The following CNTNAP5 variants were observed in gnomAD, a reference collection of about 807,000 sequenced individuals.
The protein encoded by CNTNAP5 is contactin associated protein family member 5.
In CNTNAP5, 72 loss-of-function variants were observed where a neutral mutation model predicts 150.2. The observed-to-expected ratio is 0.48, with a 90% CI of 0.40 to 0.58. CNTNAP5 has a LOEUF of 0.58. Among genes scored for constraint, CNTNAP5 ranks in the 20% least tolerant of loss-of-function variants. The probability of loss-of-function intolerance (pLI) is 0.00; values close to 1 mark genes in which losing one functional copy is unlikely to be tolerated. For missense variants in CNTNAP5, 1,636 were observed against 1,626.2 expected (o/e 1.01, Z -0.10); for synonymous variants, 672 against 619.8 (o/e 1.08, Z -1.25).
intron 14 of CNTNAP5, among the ~76,000 whole-genome samples, chr2:124,753,450 T>G (rs1680773259): frequency 6.6e-6 from 1 of 152,220 alleles, no homozygotes; most frequent in African/African-American, 2.4e-5. Flanking sequence ...TTAGTTGAAA[T>G]TTACTTCCTT....
chr2:124,425,255 A>C (rs1692212436), intron 4 of CNTNAP5, among the ~76,000 whole-genome samples: 1 of 152,192 alleles, frequency 6.6e-6, no homozygotes, highest in African/African-American at 2.4e-5. Context: ...ACCATACTAA[A>C]TCTTTTTATT....
At chr2:124,782,142 C>T (rs1057467299) in intron 17 of CNTNAP5, among the ~76,000 whole-genome samples, 1 of 152,104 alleles carries the variant, frequency 6.6e-6, no homozygotes, top group Non-Finnish European at 1.5e-5. Flanking sequence ...TTGTGTTATG[C>T]GTTTCCTCTG....
At chr2:124,601,688 A>G (rs1248003708) in intron 11 of CNTNAP5, among the ~76,000 whole-genome samples, 1 of 103,420 alleles carries the variant, frequency 9.7e-6, no homozygotes, top group Non-Finnish European at 2.3e-5. Context: ...AATAATATTC[A>G]AAGGAAAAAA....
In CNTNAP5 at chr2:124,911,578, C is replaced by T. The variant is rs564430859; in HGVS notation, c.3727+40C>T. ...GTTGTTGAATGCAAAAAGACATAAA[C>T]GATCCTGTATTCTGGAGAAAGTTAT... On this transcript the variant is annotated intron_variant, in intron 23 of 23. Transcript: ENST00000682447. 47 of 1,465,014 alleles carry T rather than the reference C, an allele frequency of 3.2e-5. No individual in the cohort carries two copies. In the South Asian group the frequency reaches 4.6e-4, roughly 14 times the overall value. The allele number at this position is 1,465,014 out of a possible 1,614,324, so 90.8% of individuals were successfully genotyped here. A position where few individuals can be genotyped will look rare whatever the true frequency, so the allele number is the denominator to read the frequency against.
intron 21 of CNTNAP5, among the ~76,000 whole-genome samples, chr2:124,885,005 C>T (rs1235610751): frequency 6.6e-6 from 1 of 152,044 alleles, no homozygotes; most frequent in Non-Finnish European, 1.5e-5. Context: ...CCACTCATAT[C>T]AGTCAGGGTT....
chr2:124,625,178 ACTC>A (rs1206086288), intron 12 of CNTNAP5, among the ~76,000 whole-genome samples: 1 of 151,324 alleles, frequency 6.6e-6, no homozygotes, highest in African/African-American at 2.4e-5. Flanking sequence ...ATGGTGGAAA[ACTC>A]CTCCAGGAAG....
At chr2:124,641,503 C>G (rs1448352147) in intron 12 of CNTNAP5, among the ~76,000 whole-genome samples, 1 of 152,066 alleles carries the variant, frequency 6.6e-6, no homozygotes, top group African/African-American at 2.4e-5. Flanking sequence ...ACTATCAATG[C>G]AAAATGACAA....
intron 21 of CNTNAP5, among the ~76,000 whole-genome samples, chr2:124,874,141 T>A (rs1375091304): frequency 1.3e-5 from 2 of 152,112 alleles, no homozygotes; most frequent in Non-Finnish European, 1.5e-5. Flanking sequence ...TCTCTAAGAA[T>A]GTTGATGCTC....
chr2:124,419,984 C>CTTT (rs1692054933), intron 4 of CNTNAP5, among the ~76,000 whole-genome samples: 4 of 94,914 alleles, frequency 4.2e-5, no homozygotes, highest in Admixed American at 3.4e-4. Flanking sequence ...TTCTTTCTTT[C>CTTT]TTTCTTTTTT....
At chr2:124,830,709 T>C (rs1558792616) in intron 19 of CNTNAP5, among the ~76,000 whole-genome samples, 1 of 151,898 alleles carries the variant, frequency 6.6e-6, no homozygotes, top group Non-Finnish European at 1.5e-5. Context: ...GAGAAAAAAA[T>C]TGTTTTTCTG....
rs779760800 is a variant in CNTNAP5 at position 124,914,176 on chromosome 2, G to A, written c.3812G>A (p.Arg1271His). 46 of 1,612,208 alleles carry A rather than the reference G, an allele frequency of 2.9e-5. No individual in the cohort carries two copies. Among genetic ancestry groups the A allele is most frequent in the Admixed American group, 2.8e-4 (17 of 59,870 alleles). The change falls in exon 24 of 24, where the codon CGT (arginine) becomes CAT (histidine). Residue 1271 changes from arginine (R) to histidine (H), a missense_variant. By Grantham distance (29) the Arg-to-His change is conservative. Coordinates refer to ENST00000682447, the MANE Select transcript of CNTNAP5 (RefSeq NM_001367498.1). ...CTCTACCAGCACAAGCAGTCACATC[G>A]TACGAGCCAGATGAAGGAGAAGGAA... ...RFLYQHKQSH[R>H]TSQMKEKEYP...
chr2:124,226,224 C>A (rs1288290409), intron 2 of CNTNAP5, among the ~76,000 whole-genome samples: 1 of 151,624 alleles, frequency 6.6e-6, no homozygotes. Context: ...ACATTCCCAA[C>A]AACAGTGTAA....
Position 124,478,893 on chromosome 2 carries a change from C to G in CNTNAP5, c.1062+4011C>G, listed in dbSNP as rs141296936. 3.9e-5 allele frequency among the ~76,000 whole-genome samples: 6 copies of G among 152,320 alleles called. No homozygotes were observed. In the East Asian group the frequency reaches 1.2e-3, roughly 29 times the overall value. On this transcript the variant is annotated intron_variant, in intron 7 of 23. Coordinates refer to ENST00000682447, the MANE Select transcript of CNTNAP5 (RefSeq NM_001367498.1). ...GTTTCAAGGCCCACGGAAGCTCCAG[C>G]CTTTGCCTAACCTAACGTATGCCTC...
At chr2:124,788,555 G>A (rs1448263978) in intron 17 of CNTNAP5, among the ~76,000 whole-genome samples, 2 of 151,556 alleles carry the variant, frequency 1.3e-5, no homozygotes, top group East Asian at 3.9e-4. Flanking sequence ...GATTGAACAG[G>A]TATTGTATTC....
chr2:124,808,908 G>A (rs756950469), intron 19 of CNTNAP5, among the ~76,000 whole-genome samples: 18 of 152,028 alleles, frequency 1.2e-4, no homozygotes, highest in Non-Finnish European at 1.9e-4. Flanking sequence ...ATAAAGGACT[G>A]TCTGCACACT....
At position 124,481,621 on chromosome 2, in the gene CNTNAP5, A is replaced by G. The variant is rs141176281; in HGVS notation, c.1062+6739A>G. ...TTTCACACTTTAAATGTATATTTAT[A>G]TATCATAGACCACAGTTTATTGACA... is the stretch of plus-strand genomic sequence containing the variant. On this transcript the variant is annotated intron_variant, in intron 7 of 23. Transcript: ENST00000682447. 2.6e-5 allele frequency among the ~76,000 whole-genome samples: 4 copies of G among 152,310 alleles called. No homozygotes were observed. The East Asian group carries it at 5.8e-4, about 22-fold the overall frequency.
At chr2:124,042,170 T>C (rs1681391925) in intron 1 of CNTNAP5, among the ~76,000 whole-genome samples, 1 of 152,152 alleles carries the variant, frequency 6.6e-6, no homozygotes, top group Non-Finnish European at 1.5e-5. Flanking sequence ...CAATTAAAAA[T>C]TTTTAAAAGA....
At chr2:124,814,048 A>G (rs1205541515) in intron 19 of CNTNAP5, among the ~76,000 whole-genome samples, 1 of 151,580 alleles carries the variant, frequency 6.6e-6, no homozygotes, top group African/African-American at 2.4e-5. Flanking sequence ...ATAGCTTCCC[A>G]TTGCCTGCAG....
At chr2:124,249,676 T>C (rs1687124463) in intron 3 of CNTNAP5, among the ~76,000 whole-genome samples, 1 of 152,178 alleles carries the variant, frequency 6.6e-6, no homozygotes, top group Admixed American at 6.5e-5. Flanking sequence ...AAAACCAATC[T>C]GCACCTGACC....
Sources: gnomAD v4.1 joint callset for allele counts (sites outside exome capture counted in the v4.1 genomes callset) on GRCh38, gnomAD v4.1.1 for gene constraint, MANE v1.5 for transcripts, NCBI Gene and HGNC (gene_info 2026-07-23, HGNC 2026-07-21) for gene names.